The following PSD3 variants were observed in gnomAD, a reference collection of about 807,000 sequenced individuals.
PSD3 encodes PH and SEC7 domain-containing protein 3.
PSD3 carries 49 observed loss-of-function variants against 105.5 expected under a neutral mutation model. The ratio of observed to expected loss-of-function variants is 0.46; its 90% CI spans 0.37 to 0.59. The LOEUF is 0.59. PSD3 is among the 20% of genes least tolerant of loss of function. PSD3 has a pLI of 0.00. For synonymous variants in PSD3, 557 were observed against 457.8 expected (o/e 1.22, Z -2.77); for missense variants, 1,561 against 1,263.8 (o/e 1.24, Z -3.57).
intron 4 of PSD3, among the ~76,000 whole-genome samples, chr8:18,816,678 C>T (rs1812247826): frequency 6.6e-6 from 1 of 152,146 alleles, no homozygotes; most frequent in African/African-American, 2.4e-5. Flanking sequence ...GGACTTTTAC[C>T]TTCTAATAAG....
intron 1 of PSD3, among the ~76,000 whole-genome samples, chr8:19,039,559 T>C (rs1828055234): frequency 6.6e-6 from 1 of 152,146 alleles, no homozygotes; most frequent in African/African-American, 2.4e-5. Context: ...GACCTAGAGG[T>C]CTTCATCAAA....
At chr8:18,599,333 T>C (rs1804264527) in intron 12 of PSD3, among the ~76,000 whole-genome samples, 1 of 152,182 alleles carries the variant, frequency 6.6e-6, no homozygotes, top group Admixed American at 6.5e-5. Flanking sequence ...TGGAAAACCA[T>C]ATGGAGTTTC....
At chr8:18,892,997 G>A (rs908976158) in intron 2 of PSD3, among the ~76,000 whole-genome samples, 6 of 152,140 alleles carry the variant, frequency 3.9e-5, no homozygotes, top group East Asian at 1.9e-4. Flanking sequence ...TGCAACTGAT[G>A]CAAATGAAAT....
intron 1 of PSD3, among the ~76,000 whole-genome samples, chr8:19,050,247 G>C (rs909302275): frequency 1.3e-5 from 2 of 152,170 alleles, no homozygotes; most frequent in Non-Finnish European, 2.9e-5. Context: ...TCCTTTCTGA[G>C]CAGAAAAAGA....
Position 18,949,254 on chromosome 8 carries a change from T to A in PSD3, c.22-13112A>T, listed in dbSNP as rs1228386325. Among the ~76,000 whole-genome samples, 685 of 71,856 alleles carry A rather than the reference T, an allele frequency of 9.5e-3. 10 individuals carry two copies. Among genetic ancestry groups the A allele is most frequent in the African/African-American group, 0.024 (421 of 17,734 alleles). The allele number at this position is 71,856 out of a possible 152,430, so 47.1% of individuals were successfully genotyped here. A position where few individuals can be genotyped will look rare whatever the true frequency, so the allele number is the denominator to read the frequency against. On this transcript the variant is annotated intron_variant, in intron 1 of 15. Transcript: ENST00000327040. ...AAAAAAAAAAAAAAAAATATATATA[T>A]ATATATATATATATATATATATATT...
At chr8:19,027,063 A>G (rs1328956486) in intron 1 of PSD3, among the ~76,000 whole-genome samples, 2 of 152,184 alleles carry the variant, frequency 1.3e-5, no homozygotes, top group Non-Finnish European at 2.9e-5. Flanking sequence ...AGAGGACTGC[A>G]AATAGAATTC....
chr8:18,652,256 T>C (rs543778155), intron 10 of PSD3, among the ~76,000 whole-genome samples: 20 of 152,076 alleles, frequency 1.3e-4, no homozygotes, highest in South Asian at 8.3e-4. Flanking sequence ...GCTGTATATA[T>C]ATATAGGAAG....
chr8:18,544,056 T>A (rs113890537), intron 15 of PSD3, among the ~76,000 whole-genome samples: 2 of 151,708 alleles, frequency 1.3e-5, no homozygotes, highest in Admixed American at 1.3e-4. Context: ...CGTTTTCTCA[T>A]GCAGACAGGG....
chr8:18,567,351 T>C (rs905490372), intron 14 of PSD3, among the ~76,000 whole-genome samples: 3 of 152,186 alleles, frequency 2.0e-5, no homozygotes, highest in Non-Finnish European at 4.4e-5. Flanking sequence ...CGACATGCTC[T>C]TTATGTGGTA....
intron 11 of PSD3, among the ~76,000 whole-genome samples, chr8:18,607,934 G>A (rs371766640): frequency 1.3e-5 from 2 of 152,184 alleles, no homozygotes; most frequent in African/African-American, 4.8e-5. Context: ...CCCTTATAAA[G>A]CCATCAGATC....
At chr8:18,938,452 T>C (rs1460728826) in intron 1 of PSD3, among the ~76,000 whole-genome samples, 2 of 151,750 alleles carry the variant, frequency 1.3e-5, no homozygotes, top group East Asian at 3.9e-4. Context: ...CAAAACCCCG[T>C]CTCTACTAAA....
intron 2 of PSD3, among the ~76,000 whole-genome samples, chr8:18,886,454 G>C (rs1818457784): frequency 6.6e-6 from 1 of 152,114 alleles, no homozygotes; most frequent in Non-Finnish European, 1.5e-5. Context: ...ACCTGGTCTA[G>C]CCCCAGGGGT....
At chr8:19,017,188 G>T (rs928447052), upstream of PSD3, among the ~76,000 whole-genome samples, 2 of 151,488 alleles carry the variant, frequency 1.3e-5, no homozygotes, top group Non-Finnish European at 2.9e-5. Flanking sequence ...AAGTATCTGG[G>T]ACTACAGGCA....
At chr8:18,965,534 T>C (rs1824186840) in intron 1 of PSD3, among the ~76,000 whole-genome samples, 1 of 152,166 alleles carries the variant, frequency 6.6e-6, no homozygotes, top group Non-Finnish European at 1.5e-5. Context: ...ACTGTGACCA[T>C]TTACTACTCA....
At chr8:19,045,414 G>A (rs546405888) in intron 1 of PSD3, among the ~76,000 whole-genome samples, 1 of 152,258 alleles carries the variant, frequency 6.6e-6, no homozygotes, top group East Asian at 1.9e-4. Context: ...TTTAACAAAA[G>A]TGTTAAGGGA....
chr8:18,579,908 G>A (rs1447099297), intron 12 of PSD3, among the ~76,000 whole-genome samples: 2 of 152,086 alleles, frequency 1.3e-5, no homozygotes, highest in Admixed American at 6.6e-5. Flanking sequence ...AAATGGTCTT[G>A]ATTTCCACTG....
At chr8:18,784,012 G>A (rs1585975453) in intron 8 of PSD3, among the ~76,000 whole-genome samples, 1 of 152,096 alleles carries the variant, frequency 6.6e-6, no homozygotes, top group African/African-American at 2.4e-5. Flanking sequence ...TATATTGTAT[G>A]ACTACATAAA....
At chr8:18,722,431 T>A (rs1279833635) in intron 9 of PSD3, among the ~76,000 whole-genome samples, 2 of 152,194 alleles carry the variant, frequency 1.3e-5, no homozygotes, top group Admixed American at 1.3e-4. Context: ...TAATCACAGT[T>A]GATAATCTGA....
intron 8 of PSD3, among the ~76,000 whole-genome samples, chr8:18,793,379 A>AG (rs1170735136): frequency 6.6e-6 from 1 of 151,292 alleles, no homozygotes; most frequent in Non-Finnish European, 1.5e-5. Flanking sequence ...ATAGAAAAAA[A>AG]AAACAAAACA....
Sources: gnomAD v4.1 joint callset for allele counts (sites outside exome capture counted in the v4.1 genomes callset) on GRCh38, gnomAD v4.1.1 for gene constraint, MANE v1.5 for transcripts, NCBI Gene and HGNC (gene_info 2026-07-23, HGNC 2026-07-21) for gene names.